Variants in SV2B observed in about 807,000 individuals in gnomAD.
SV2B encodes the protein synaptic vesicle glycoprotein 2B.
SV2B carries 41 observed loss-of-function variants against 73.9 expected under a neutral mutation model. The observed-to-expected ratio is 0.56, with a 90% confidence interval of 0.43 to 0.72. The LOEUF is 0.72. SV2B is among the 30% of genes least tolerant of loss of function. The probability of loss-of-function intolerance (pLI) is 0.00; values close to 1 mark genes in which losing one functional copy is unlikely to be tolerated. For missense variants in SV2B, 764 were observed against 857.8 expected, an observed-to-expected ratio of 0.89 and a Z score of 1.37; for synonymous variants, 314 against 314.2, an observed-to-expected ratio of 1.00 and a Z score of 0.01.
At chr15:91,185,223 C>G (rs773284281) in intron 1 of SV2B, among the ~76,000 whole-genome samples, 138 of 152,292 alleles carry the variant, frequency 9.1e-4, no homozygotes, top group Middle Eastern at 3.4e-3. Context: ...GCACATGCCA[C>G]CACACCCAGC....
intron 1 of SV2B, among the ~76,000 whole-genome samples, chr15:91,167,497 G>T (rs183919076): frequency 7.0e-4 from 107 of 152,308 alleles, no homozygotes; most frequent in African/African-American, 2.5e-3. Flanking sequence ...AGAGGTGCCT[G>T]CATTCCTTTT....
intron 1 of SV2B, among the ~76,000 whole-genome samples, chr15:91,207,679 TA>T (rs1303070412): frequency 2.0e-5 from 3 of 152,198 alleles, no homozygotes; most frequent in African/African-American, 7.2e-5. Context: ...TTATTTAACG[TA>T]AGTTTTATGT....
intron 1 of SV2B, among the ~76,000 whole-genome samples, chr15:91,185,353 A>G (rs1187938296): frequency 6.6e-6 from 1 of 152,160 alleles, no homozygotes; most frequent in Non-Finnish European, 1.5e-5. Flanking sequence ...ATCTATTTGC[A>G]TTTTTGCATG....
chr15:91,225,994 T>C lies in SV2B; in HGVS notation c.-270T>C. The C allele has an allele frequency of 2.1e-6, 1 of 471,992 alleles. No individual in the cohort carries two copies. The highest frequency in any genetic ancestry group is 3.8e-6 in the Non-Finnish European group (1 of 265,574). The allele number at this position is 471,992 out of a possible 1,614,324, so 29.2% of individuals were successfully genotyped here. On this transcript the variant is annotated 5_prime_UTR_variant, in exon 2 of 13. Transcript: ENST00000394232. ...TCAACACTTCCCAACGCAACACTTC[T>C]GAGTCTCTGAAGGAGACCAGAGCTT...
chr15:91,130,296 G>A lies in SV2B; in HGVS notation c.-392+29933G>A, dbSNP rs2042603193. ...TGGAGGAATACTGAATTCCATATTG[G>A]GCTCTCTTGAGTGAACAGGCTCAGG... is the stretch of plus-strand genomic sequence containing the variant. On this transcript the variant is annotated intron_variant, in intron 1 of 12. Transcript: ENST00000394232. The surrounding 1 kb of genome is among the most constrained non-coding windows in gnomAD (Gnocchi z 5.6). Among the ~76,000 whole-genome samples the A allele has an allele frequency of 6.6e-6, 1 of 152,162 alleles. No homozygotes were observed. Among genetic ancestry groups the A allele is most frequent in the Non-Finnish European group, 1.5e-5 (1 of 68,028 alleles).
intron 1 of SV2B, among the ~76,000 whole-genome samples, chr15:91,211,197 A>C (rs549639423): frequency 6.6e-6 from 1 of 152,322 alleles, no homozygotes; most frequent in Non-Finnish European, 1.5e-5. Flanking sequence ...CTGAGGTGAG[A>C]GCTGTGCTAA....
In SV2B at chr15:91,213,832, C is replaced by G. The variant is rs989317400; in HGVS notation, c.-391-12041C>G. Among the ~76,000 whole-genome samples, 5 of 152,106 alleles carry G rather than the reference C, an allele frequency of 3.3e-5. No homozygotes were observed. In the East Asian group the frequency reaches 9.6e-4, roughly 29 times the overall value. On this transcript the variant is annotated intron_variant, in intron 1 of 12. Transcript: ENST00000394232. ...TACTATTCCCTTTAAAGGCTCTGAA[C>G]CTGAGTCTTGTTTTCATTTCATTCA...
chr15:91,250,863 T>A (rs987517536), intron 2 of SV2B, among the ~76,000 whole-genome samples: 12 of 152,194 alleles, frequency 7.9e-5, no homozygotes, highest in African/African-American at 1.2e-4. Flanking sequence ...ATTAATATTG[T>A]TAAAGTATCT....
chr15:91,158,915 T>C (rs1344264106), intron 1 of SV2B, among the ~76,000 whole-genome samples: 1 of 151,734 alleles, frequency 6.6e-6, no homozygotes, highest in Non-Finnish European at 1.5e-5. Flanking sequence ...CAGTTTGCCC[T>C]TTTGCAAATT....
Position 91,229,271 on chromosome 15 carries a change from G to C in SV2B, c.451+2557G>C, listed in dbSNP as rs114316741. On this transcript the variant is annotated intron_variant, in intron 2 of 12. Transcript: ENST00000394232. This position sits in a 1 kb window ranked among gnomAD's most constrained non-coding sequence, Gnocchi z 4.3. ...GGTACGTCCTACATGTCATCGATCT[G>C]CTAGTGACCTTGGGCAAGTTATGAC... 1.7e-3 allele frequency among the ~76,000 whole-genome samples: 255 copies of C among 152,142 alleles called. 2 individuals are homozygous for C. Among genetic ancestry groups the C allele is most frequent in the African/African-American group, 5.8e-3 (241 of 41,506 alleles).
chr15:91,136,400 G>A lies in SV2B; in HGVS notation c.-392+36037G>A, dbSNP rs778741367. On this transcript the variant is annotated intron_variant, in intron 1 of 12. Coordinates refer to ENST00000394232, the MANE Select transcript of SV2B (RefSeq NM_001323032.3). The surrounding 1 kb of genome is among the most constrained non-coding windows in gnomAD (Gnocchi z 5.6). ...GGTGACTTACTCTCTAGGGGCCTTA[G>A]GTATATTCTCGGAGAGAGAACCTTT... 1.3e-5 allele frequency among the ~76,000 whole-genome samples: 2 copies of A among 152,212 alleles called. No individual in the cohort carries two copies. The highest frequency in any genetic ancestry group is 2.9e-5 in the Non-Finnish European group (2 of 68,030).
chr15:91,119,999 A>G (rs1409595355), intron 1 of SV2B, among the ~76,000 whole-genome samples: 1 of 152,258 alleles, frequency 6.6e-6, no homozygotes, highest in East Asian at 1.9e-4. Context: ...CATAAGAAAT[A>G]CTTATAAGAA....
intron 1 of SV2B, among the ~76,000 whole-genome samples, chr15:91,158,078 G>T (rs17594433): frequency 0.065 from 9,898 of 152,240 alleles, 427 homozygotes; most frequent in Non-Finnish European, 0.089. Context: ...TTTACCTGTT[G>T]CTGTGGTTTG....
chr15:91,237,829 T>C (rs768706069), intron 2 of SV2B, among the ~76,000 whole-genome samples: 1 of 152,204 alleles, frequency 6.6e-6, no homozygotes, highest in Non-Finnish European at 1.5e-5. Context: ...TTCGGTAGCA[T>C]GAAAAAATGG....
At chr15:91,221,695 A>G (rs774625343) in intron 1 of SV2B, among the ~76,000 whole-genome samples, 12,041 of 132,374 alleles carry the variant, frequency 0.091, 578 homozygotes, top group East Asian at 0.12. Context: ...GCATGTGCGC[A>G]CACACACACA....
At chr15:91,109,370 T>G (rs1480330889) in intron 1 of SV2B, among the ~76,000 whole-genome samples, 4 of 152,226 alleles carry the variant, frequency 2.6e-5, no homozygotes, top group African/African-American at 9.6e-5. Flanking sequence ...TGTTAAGTAC[T>G]TCTTATGTCA....
chr15:91,152,071 C>CTTTTTT lies in SV2B; in HGVS notation c.-392+51718_-392+51723dup, dbSNP rs59094531. Among the ~76,000 whole-genome samples the CTTTTTT allele has an allele frequency of 1.2e-3, 165 of 137,282 alleles. 4 individuals carry two copies. The highest frequency in any genetic ancestry group is 4.3e-3 in the African/African-American group (155 of 35,644). The allele number at this position is 137,282 out of a possible 152,430, so 90.1% of individuals were successfully genotyped here. ...TTGTCAATCTGAGTTAATTTTTACT[C>CTTTTTT]TTTTTTTTTTTTTTTGCCAAAGAGT... On this transcript the variant is annotated intron_variant, in intron 1 of 12. Coordinates refer to ENST00000394232, the MANE Select transcript of SV2B (RefSeq NM_001323032.3).
intron 1 of SV2B, among the ~76,000 whole-genome samples, chr15:91,206,201 C>CTT (rs538615675): frequency 9.2e-4 from 94 of 101,868 alleles, no homozygotes; most frequent in African/African-American, 1.9e-3. Flanking sequence ...CCATGCCTGG[C>CTT]TTTTTTTTTT....
At chr15:91,192,511 A>G (rs544023993) in intron 1 of SV2B, among the ~76,000 whole-genome samples, 5 of 152,316 alleles carry the variant, frequency 3.3e-5, no homozygotes, top group Admixed American at 6.5e-5. Context: ...GATAATATCA[A>G]TATGGGTTTC....
Sources: allele counts gnomAD v4.1 joint callset (sites outside exome capture counted in the v4.1 genomes callset), GRCh38; gene constraint gnomAD v4.1.1; non-coding constraint Gnocchi (gnomAD v3.1); transcripts MANE v1.5; gene names NCBI Gene and HGNC (gene_info 2026-07-23, HGNC 2026-07-21).